Variants in ASTN2 observed in about 807,000 individuals in gnomAD.
The protein encoded by ASTN2 is astrotactin 2, also known as astrotactin-2.
A neutral mutation model predicts 139.8 loss-of-function variants in ASTN2; 54 were observed. That is an observed-to-expected ratio of 0.39 (90% CI 0.31 to 0.48). The LOEUF is 0.48. ASTN2 is among the 20% of genes least tolerant of loss of function. The probability of loss-of-function intolerance (pLI) is 0.95; values close to 1 mark genes in which losing one functional copy is unlikely to be tolerated. For synonymous variants in ASTN2, 756 were observed against 719.5 expected (o/e 1.05, Z -0.81); for missense variants, 1,565 against 1,725.1 (o/e 0.91, Z 1.64).
At chr9:116,791,064 G>A (rs552680606) in intron 13 of ASTN2, among the ~76,000 whole-genome samples, 4 of 150,598 alleles carry the variant, frequency 2.7e-5, no homozygotes, top group South Asian at 2.1e-4. Flanking sequence ...AAAGAAAGAA[G>A]GAAAGGTCTC....
At chr9:116,726,898 T>C (rs1828640358) in intron 15 of ASTN2, among the ~76,000 whole-genome samples, 1 of 152,178 alleles carries the variant, frequency 6.6e-6, no homozygotes, top group Non-Finnish European at 1.5e-5. Flanking sequence ...CAAGCTCATC[T>C]CTAATGAGCC....
At chr9:116,682,497 A>G (rs1011587528) in intron 16 of ASTN2, among the ~76,000 whole-genome samples, 33 of 152,162 alleles carry the variant, frequency 2.2e-4, no homozygotes, top group Non-Finnish European at 3.7e-4. Flanking sequence ...AACTAGAAAT[A>G]CCATTTGACC....
At chr9:116,460,314 G>T (rs1188904191) in intron 20 of ASTN2, among the ~76,000 whole-genome samples, 4 of 151,998 alleles carry the variant, frequency 2.6e-5, no homozygotes, top group Admixed American at 2.6e-4. Context: ...AAAATGTTCT[G>T]GAATTACTTG....
chr9:117,241,554 A>T (rs1833207108), intron 2 of ASTN2, among the ~76,000 whole-genome samples: 1 of 152,154 alleles, frequency 6.6e-6, no homozygotes, highest in African/African-American at 2.4e-5. Context: ...TCTCACAGGG[A>T]GTGTGCAACC....
intron 20 of ASTN2, among the ~76,000 whole-genome samples, chr9:116,445,086 C>A (rs1204028892): frequency 6.6e-6 from 1 of 152,104 alleles, no homozygotes; most frequent in Non-Finnish European, 1.5e-5. Flanking sequence ...GCATACACTT[C>A]GGCTTGGGTA....
At chr9:116,453,922 A>C (rs1030788310) in intron 20 of ASTN2, among the ~76,000 whole-genome samples, 2 of 152,208 alleles carry the variant, frequency 1.3e-5, no homozygotes, top group Non-Finnish European at 2.9e-5. Context: ...ACTAGAAACA[A>C]TTTACACACT....
intron 16 of ASTN2, chr9:116,686,624 A>G: frequency 1.4e-6 from 2 of 1,442,872 alleles, no homozygotes; most frequent in Non-Finnish European, 1.9e-6. Flanking sequence ...CTCAGGCCAG[A>G]TCACCTCCCA....
rs200363623 is a variant in ASTN2, at chr9:116,976,174, G to C, written c.1691C>G (p.Thr564Arg). 1.9e-6 allele frequency: 3 copies of C among 1,614,102 alleles called. No homozygotes were observed. The South Asian group carries it at 3.3e-5, about 18-fold the overall frequency. Residue 564 changes from threonine to arginine, a missense_variant, in exon 9 of 23, where the codon ACG becomes AGG. Coordinates refer to ENST00000313400, the MANE Select transcript of ASTN2 (RefSeq NM_001365068.1). ...WGQSEGPWPY[T>R]TLERGYDLVT... is the part of the protein sequence containing the mutation. Reference sequence around the variant, plus strand: ...CAGATCATAGCCCCTCTCAAGTGTCGTGTAGGGCCAAGGTCTATGGGAAGA... The same window carrying C: ...CAGATCATAGCCCCTCTCAAGTGTCCTGTAGGGCCAAGGTCTATGGGAAGA...
At chr9:117,193,265 G>A (rs1317109875) in intron 3 of ASTN2, among the ~76,000 whole-genome samples, 1 of 152,128 alleles carries the variant, frequency 6.6e-6, no homozygotes, top group Non-Finnish European at 1.5e-5. Flanking sequence ...AAACATCACT[G>A]GGAATAGGGA....
intron 4 of ASTN2, among the ~76,000 whole-genome samples, chr9:117,124,479 A>C (rs1427737168): frequency 6.6e-6 from 1 of 152,148 alleles, no homozygotes; most frequent in African/African-American, 2.4e-5. Flanking sequence ...TCCCATAACA[A>C]CTCACAGCAA....
intron 10 of ASTN2, among the ~76,000 whole-genome samples, chr9:116,878,110 G>A (rs1045712305): frequency 2.0e-5 from 3 of 152,170 alleles, no homozygotes; most frequent in African/African-American, 7.2e-5. Context: ...ACTGTTGGAG[G>A]GAATGTAAAT....
chr9:116,591,655 C>CTTT (rs1854383068), intron 19 of ASTN2, among the ~76,000 whole-genome samples: 1 of 152,072 alleles, frequency 6.6e-6, no homozygotes, highest in African/African-American at 2.4e-5. Flanking sequence ...TATTGGATAA[C>CTTT]TTTTTTAATG....
intron 4 of ASTN2, among the ~76,000 whole-genome samples, chr9:117,133,083 T>G (rs1205724558): frequency 6.6e-6 from 1 of 152,218 alleles, no homozygotes; most frequent in Non-Finnish European, 1.5e-5. Flanking sequence ...CAGAAGTTTC[T>G]GACTCCAAAT....
chr9:116,977,195 C>T (rs1295341348), intron 7 of ASTN2, among the ~76,000 whole-genome samples: 1 of 152,186 alleles, frequency 6.6e-6, no homozygotes. Context: ...GAATTATCTC[C>T]ATCTGAATGA....
At chr9:116,772,349 C>A (rs1417154065) in intron 13 of ASTN2, among the ~76,000 whole-genome samples, 1 of 152,138 alleles carries the variant, frequency 6.6e-6, no homozygotes, top group Non-Finnish European at 1.5e-5. Context: ...AGTTCCCCTG[C>A]ACACGCTCTC....
At chr9:117,368,571 T>C (rs1433799140) in intron 1 of ASTN2, among the ~76,000 whole-genome samples, 1 of 152,180 alleles carries the variant, frequency 6.6e-6, no homozygotes, top group Admixed American at 6.6e-5. Flanking sequence ...TTTTCCATTA[T>C]CATTGAGTTA....
At chr9:116,724,278 C>T (rs564608440) in intron 16 of ASTN2, among the ~76,000 whole-genome samples, 12 of 152,302 alleles carry the variant, frequency 7.9e-5, no homozygotes, top group African/African-American at 2.9e-4. Flanking sequence ...ATTTAATGCA[C>T]TTCCTTAAAG....
At chr9:117,343,528 G>A (rs936415669) in intron 1 of ASTN2, among the ~76,000 whole-genome samples, 13 of 152,142 alleles carry the variant, frequency 8.5e-5, no homozygotes, top group African/African-American at 3.1e-4. Context: ...CAGGCATTGT[G>A]ATAACTAACA....
intron 12 of ASTN2, among the ~76,000 whole-genome samples, chr9:116,814,223 G>T (rs1831249008): frequency 6.6e-6 from 1 of 151,974 alleles, no homozygotes; most frequent in Non-Finnish European, 1.5e-5. Flanking sequence ...CCCCACCCTG[G>T]GATCATCAGG....
Sources: allele counts gnomAD v4.1 joint callset (sites outside exome capture counted in the v4.1 genomes callset), GRCh38; gene constraint gnomAD v4.1.1; transcripts MANE v1.5; gene names NCBI Gene and HGNC (gene_info 2026-07-23, HGNC 2026-07-21).